Variants in CCDC192 observed in about 807,000 individuals in gnomAD.
The protein encoded by CCDC192 is coiled-coil domain containing 192, also known as coiled-coil domain-containing protein 192.
chr5:127,853,035 A>G (rs1750869839), intron 5 of CCDC192, among the ~76,000 whole-genome samples: 1 of 152,102 alleles, frequency 6.6e-6, no homozygotes, highest in Admixed American at 6.5e-5. Context: ...GCTTGCAGTG[A>G]GCTGAGATCG....
chr5:127,755,323 A>C (rs894138116), intron 3 of CCDC192, among the ~76,000 whole-genome samples: 2 of 152,190 alleles, frequency 1.3e-5, no homozygotes, highest in African/African-American at 4.8e-5. Context: ...GAAACTAAGG[A>C]GGAAAGGTGC....
rs770997648 is a variant in CCDC192 at position 127,847,493 on chromosome 5, A to G, written c.412-28045A>G. On this transcript the variant is annotated intron_variant, in intron 5 of 6. Coordinates refer to ENST00000514853, the MANE Select transcript of CCDC192 (RefSeq NM_001317938.2). Reference sequence around the variant, plus strand: ...CCCAGTATGTCCATATTTAATGGACATAAAATATAAACAGATAAGATGTTT... The same window carrying G: ...CCCAGTATGTCCATATTTAATGGACGTAAAATATAAACAGATAAGATGTTT... Among the ~76,000 whole-genome samples, 10 of 152,238 alleles carry G rather than the reference A, an allele frequency of 6.6e-5. 1 individual carries two copies. Among genetic ancestry groups the G allele is most frequent in the Non-Finnish European group, 1.5e-4 (10 of 68,052 alleles).
chr5:127,868,307 G>C (rs2127120555), intron 5 of CCDC192, among the ~76,000 whole-genome samples: 1 of 152,226 alleles, frequency 6.6e-6, no homozygotes, highest in Non-Finnish European at 1.5e-5. Context: ...TCAGAGAAGG[G>C]GGCAATAAGA....
At chr5:127,896,120 T>C (rs1039920920) in intron 6 of CCDC192, among the ~76,000 whole-genome samples, 2 of 151,992 alleles carry the variant, frequency 1.3e-5, no homozygotes, top group Non-Finnish European at 2.9e-5. Flanking sequence ...CACAAGAGAT[T>C]GATTGCACTT....
chr5:127,742,351 A>C (rs1753466859), intron 2 of CCDC192, among the ~76,000 whole-genome samples: 1 of 152,124 alleles, frequency 6.6e-6, no homozygotes, highest in Non-Finnish European at 1.5e-5. Context: ...TTATTCTATC[A>C]GTAATGCTAT....
chr5:127,803,820 C>T (rs1757635063), intron 5 of CCDC192, among the ~76,000 whole-genome samples: 1 of 152,186 alleles, frequency 6.6e-6, no homozygotes. Context: ...GTGGTAGGCA[C>T]TCAAGTGTGA....
chr5:127,871,178 T>C (rs1242908469), intron 5 of CCDC192, among the ~76,000 whole-genome samples: 1 of 152,214 alleles, frequency 6.6e-6, no homozygotes, highest in Non-Finnish European at 1.5e-5. Flanking sequence ...CCGGGCCAGC[T>C]CTGGCAGGAG....
chr5:127,934,249 T>C (rs1430718142), intron 6 of CCDC192, among the ~76,000 whole-genome samples: 2 of 152,212 alleles, frequency 1.3e-5, no homozygotes, highest in Non-Finnish European at 2.9e-5. Context: ...TTTGGGCCTG[T>C]TGCTAGGTGA....
At chr5:127,799,189 C>T (rs1333477699) in intron 5 of CCDC192, among the ~76,000 whole-genome samples, 2 of 152,172 alleles carry the variant, frequency 1.3e-5, no homozygotes, top group African/African-American at 4.8e-5. Context: ...CTCCAAAAGA[C>T]TGCAAGATAA....
At chr5:127,925,430 G>A (rs575120265) in intron 6 of CCDC192, among the ~76,000 whole-genome samples, 43 of 152,232 alleles carry the variant, frequency 2.8e-4, no homozygotes, top group African/African-American at 9.1e-4. Flanking sequence ...ATTGAAAGAC[G>A]AGTATTCCAC....
chr5:127,703,998 A>T (rs908715671), intron 1 of CCDC192, among the ~76,000 whole-genome samples: 77 of 152,224 alleles, frequency 5.1e-4, no homozygotes, highest in African/African-American at 1.8e-3. Context: ...TCTGCATTTA[A>T]TTACTAGAAA....
At chr5:127,928,363 C>T (rs1753922693) in intron 6 of CCDC192, among the ~76,000 whole-genome samples, 2 of 152,170 alleles carry the variant, frequency 1.3e-5, no homozygotes, top group East Asian at 1.9e-4. Context: ...CTTCTTTAGG[C>T]CACTTACATT....
At chr5:127,799,793 T>C (rs2126974795) in intron 5 of CCDC192, among the ~76,000 whole-genome samples, 1 of 152,326 alleles carries the variant, frequency 6.6e-6, no homozygotes, top group South Asian at 2.1e-4. Context: ...TATTAGGGTA[T>C]TGATACCAGT....
At chr5:127,784,721 C>A (rs1397383900) in intron 3 of CCDC192, 1 of 570,950 alleles carries the variant, frequency 1.8e-6, no homozygotes, top group Admixed American at 2.1e-5. Flanking sequence ...GGATTTGAAC[C>A]TGGAGGATAG....
intron 5 of CCDC192, among the ~76,000 whole-genome samples, chr5:127,809,560 G>A (rs1224745794): frequency 6.6e-6 from 1 of 152,168 alleles, no homozygotes; most frequent in Non-Finnish European, 1.5e-5. Flanking sequence ...TATCAGACCA[G>A]CAAATGTAAT....
At chr5:127,757,280 A>G (rs567930441) in intron 3 of CCDC192, among the ~76,000 whole-genome samples, 40 of 152,354 alleles carry the variant, frequency 2.6e-4, no homozygotes, top group African/African-American at 9.6e-4. Flanking sequence ...GAAGTTGCCA[A>G]ATTTGCATAA....
At chr5:127,795,055 G>A (rs865931800) in intron 3 of CCDC192, among the ~76,000 whole-genome samples, 1 of 152,104 alleles carries the variant, frequency 6.6e-6, no homozygotes, top group African/African-American at 2.4e-5. Flanking sequence ...CACTTTGGGA[G>A]GCCGAGGCGG....
chr5:127,790,861 G>A (rs1756828927), intron 3 of CCDC192, among the ~76,000 whole-genome samples: 1 of 152,180 alleles, frequency 6.6e-6, no homozygotes, highest in Admixed American at 6.5e-5. Context: ...CTTTTTAAAT[G>A]TTTATTTATT....
At chr5:127,785,695 G>A (rs1756499712) in intron 3 of CCDC192, 1 of 183,616 alleles carries the variant, frequency 5.4e-6, no homozygotes, top group Admixed American at 6.1e-5. Flanking sequence ...TGTACTTGAA[G>A]ACAACCATTA....
Sources: allele counts gnomAD v4.1 joint callset (sites outside exome capture counted in the v4.1 genomes callset), GRCh38; gene constraint gnomAD v4.1.1; transcripts MANE v1.5; gene names NCBI Gene and HGNC (gene_info 2026-07-23, HGNC 2026-07-21).